The following GPATCH1 variants were observed in gnomAD, a reference collection of about 807,000 sequenced individuals.
GPATCH1 encodes the protein G patch domain-containing protein 1.
Under a neutral mutation model 114.9 loss-of-function variants are expected in GPATCH1, and 73 were observed. The observed-to-expected ratio is 0.64, with a 90% CI of 0.53 to 0.77. GPATCH1 has a LOEUF of 0.77. Among genes scored for constraint, GPATCH1 ranks in the 30% least tolerant of loss-of-function variants. The pLI is 0.00. For missense variants in GPATCH1, 1,058 were observed against 1,144.3 expected, an observed-to-expected ratio of 0.92 and a Z score of 1.09; for synonymous variants, 391 against 428.4, an observed-to-expected ratio of 0.91 and a Z score of 1.08.
intron 16 of GPATCH1, 61 bp from the exon 17 acceptor site, chr19:33,118,949 A>C: frequency 1.0e-6 from 1 of 976,836 alleles, no homozygotes; most frequent in African/African-American, 1.6e-5. Context: ...GACATGAATG[A>C]AAGACTCAGA....
intron 6 of GPATCH1, 64 bp from the exon 7 acceptor site, chr19:33,096,142 GT>G: frequency 6.5e-7 from 1 of 1,531,126 alleles, no homozygotes; most frequent in South Asian, 1.2e-5. Flanking sequence ...TTTTCAATTA[GT>G]ATTTTGTGGG....
intron 1 of GPATCH1, among the ~76,000 whole-genome samples, chr19:33,082,022 T>C (rs1464547575): frequency 7.0e-6 from 1 of 141,866 alleles, no homozygotes; most frequent in African/African-American, 2.6e-5. Flanking sequence ...TTTAATGTTA[T>C]TCTATCTTTG....
chr19:33,111,974 C>CTT, intron 12 of GPATCH1, 72 bp downstream of exon 12: 1 of 1,236,204 alleles, frequency 8.1e-7, no homozygotes, highest in African/African-American at 1.5e-5. Context: ...ATAGTTTTTT[C>CTT]CTTTTTTTTG....
At chr19:33,089,701 A>G (rs1318865407) in intron 2 of GPATCH1, among the ~76,000 whole-genome samples, 3 of 146,342 alleles carry the variant, frequency 2.0e-5, no homozygotes, top group Non-Finnish European at 4.5e-5. Flanking sequence ...GCTCACTTCA[A>G]CCTCCGCCTC....
chr19:33,081,376 C>G, intron 1 of GPATCH1, 110 bp downstream of exon 1: 13 of 867,590 alleles, frequency 1.5e-5, no homozygotes, highest in Non-Finnish European at 1.1e-5. Context: ...GTTCCCAGCG[C>G]TGGGAACACG....
chr19:33,091,446 C>T (rs913044873), intron 3 of GPATCH1, among the ~76,000 whole-genome samples: 29 of 145,790 alleles, frequency 2.0e-4, no homozygotes, highest in Admixed American at 6.9e-5. Context: ...AAAGTAAAGC[C>T]TCTATTGCCT....
chr19:33,122,178 T>C (rs1972991874), intron 17 of GPATCH1, among the ~76,000 whole-genome samples: 1 of 151,794 alleles, frequency 6.6e-6, no homozygotes, highest in Non-Finnish European at 1.5e-5. Context: ...GGCTAATTTT[T>C]TGTATTTTTA....
rs757386034 is a variant in GPATCH1, at chr19:33,109,921, C to A, written c.1490C>A (p.Thr497Asn). ...WNMALGGGTA[T>N]LKASNFKPFA... ...ATGGCATTAGGTGGTGGGACGGCCA[C>A]CTTAAAAGCCAGCAACTTCAAGCCT... is the stretch of plus-strand genomic sequence containing the variant. The change falls in exon 11 of 20, where the codon ACC (threonine) becomes AAC (asparagine). Residue 497 changes from threonine to asparagine, a missense_variant. Transcript: ENST00000170564. 26 of 1,614,062 alleles carry A rather than the reference C, an allele frequency of 1.6e-5. No individual in the cohort carries two copies. The highest frequency in any genetic ancestry group is 1.4e-5 in the Non-Finnish European group (16 of 1,180,046).
intron 18 of GPATCH1, 62 bp from the exon 19 acceptor site, chr19:33,126,526 T>C (rs1416242961): frequency 2.9e-5 from 47 of 1,595,954 alleles, no homozygotes; most frequent in Middle Eastern, 3.6e-4. Flanking sequence ...AACCTTTCAT[T>C]GTATTGAATT....
chr19:33,102,012 C>T (rs950238833), intron 9 of GPATCH1, among the ~76,000 whole-genome samples: 30 of 128,790 alleles, frequency 2.3e-4, no homozygotes, highest in Non-Finnish European at 3.0e-4. Flanking sequence ...CTGGACAACA[C>T]GTAAAACTCT....
At chr19:33,125,345 T>C in intron 18 of GPATCH1, 143 bp downstream of exon 18, 2 of 908,844 alleles carry the variant, frequency 2.2e-6, no homozygotes, top group Middle Eastern at 2.8e-4. Context: ...ATGTTGACAT[T>C]CAATTCAAAT....
rs894969849 is a variant in GPATCH1, at chr19:33,081,884, G to T, written c.73+618G>T. ...ATTACACAGGGAGGGATATATATAT[G>T]ATTTTTAGAGACAGGGTTTTGCTCT... On this transcript the variant is annotated intron_variant, in intron 1 of 19. Transcript: ENST00000170564. Among the ~76,000 whole-genome samples the T allele has an allele frequency of 5.1e-5, 6 of 118,078 alleles. No homozygotes were observed. The East Asian group carries it at 1.4e-3, about 27-fold the overall frequency. The allele number at this position is 118,078 out of a possible 152,430, so 77.5% of individuals were successfully genotyped here.
At chr19:33,124,999 A>C in intron 17 of GPATCH1, 106 bp from the exon 18 acceptor site, 2 of 1,191,228 alleles carry the variant, frequency 1.7e-6, no homozygotes, top group Non-Finnish European at 1.2e-6. Flanking sequence ...AGTGTTAAAC[A>C]TTCCATCTAC....
chr19:33,102,047 C>T (rs1386135346), intron 9 of GPATCH1, among the ~76,000 whole-genome samples: 2 of 122,670 alleles, frequency 1.6e-5, no homozygotes, highest in Admixed American at 1.7e-4. Context: ...AAAAAAAAAT[C>T]AGTTGGCCAG....
chr19:33,097,720 A>C (rs773679582), intron 7 of GPATCH1, 35 bp from the exon 8 acceptor site: 1 of 1,604,022 alleles, frequency 6.2e-7, no homozygotes, highest in East Asian at 2.2e-5. Context: ...ATACCCTAAC[A>C]CCTGTGCTCA....
intron 5 of GPATCH1, among the ~76,000 whole-genome samples, chr19:33,094,981 C>T (rs996673674): frequency 2.0e-5 from 3 of 152,072 alleles, no homozygotes; most frequent in East Asian, 1.9e-4. Context: ...CTGGGCAACA[C>T]GGTGAAACCC....
chr19:33,107,522 C>G (rs1458604686), intron 10 of GPATCH1, among the ~76,000 whole-genome samples: 10 of 152,152 alleles, frequency 6.6e-5, no homozygotes, highest in Admixed American at 6.6e-4. Context: ...TCCTGGGGAT[C>G]GCATTGTGTA....
chr19:33,122,772 A>G (rs576863741), intron 17 of GPATCH1, among the ~76,000 whole-genome samples: 1 of 152,298 alleles, frequency 6.6e-6, no homozygotes, highest in East Asian at 1.9e-4. Context: ...TAGTGTTAAA[A>G]AAAAGTTTTG....
intron 18 of GPATCH1, among the ~76,000 whole-genome samples, chr19:33,126,309 G>A (rs1024107508): frequency 5.3e-5 from 8 of 152,282 alleles, no homozygotes; most frequent in Admixed American, 2.0e-4. Flanking sequence ...GTGGTGTCAC[G>A]TCTTATGACA....
Sources: gnomAD v4.1 joint callset for allele counts (sites outside exome capture counted in the v4.1 genomes callset) on GRCh38, gnomAD v4.1.1 for gene constraint, MANE v1.5 for transcripts, NCBI Gene and HGNC (gene_info 2026-07-23, HGNC 2026-07-21) for gene names.